Variants in PRKCH observed in about 807,000 individuals in gnomAD.
The protein encoded by PRKCH is protein kinase C eta, also known as protein kinase C eta type.
PRKCH carries 28 observed loss-of-function variants against 82.5 expected under a neutral mutation model. The observed-to-expected ratio is 0.34, with a 90% confidence interval of 0.25 to 0.47. PRKCH has a LOEUF of 0.47. Ranked by LOEUF, PRKCH falls within the 20% of genes least tolerant of loss-of-function variation. The pLI is 1.00. For missense variants in PRKCH, 705 were observed against 881.8 expected (o/e 0.80, Z 2.54); for synonymous variants, 322 against 327.4 (o/e 0.98, Z 0.18).
At chr14:61,438,127 T>C (rs952039939) in intron 2 of PRKCH, among the ~76,000 whole-genome samples, 1 of 152,178 alleles carries the variant, frequency 6.6e-6, no homozygotes, top group African/African-American at 2.4e-5. Flanking sequence ...AAGCATTGGA[T>C]GTTAAACAAC....
At chr14:61,460,001 C>A (rs1248070643) in intron 9 of PRKCH, among the ~76,000 whole-genome samples, 1 of 151,932 alleles carries the variant, frequency 6.6e-6, no homozygotes, top group Non-Finnish European at 1.5e-5. Context: ...CATGCCACCA[C>A]ACCTGGCTAA....
chr14:61,345,829 A>G (rs552284531), intron 1 of PRKCH, among the ~76,000 whole-genome samples: 1 of 150,600 alleles, frequency 6.6e-6, no homozygotes, highest in African/African-American at 2.4e-5. Context: ...GCTTGAGCCC[A>G]GGAGTTTGAG....
At chr14:61,202,773 A>G (rs902529226) in intron 1 of PRKCH, among the ~76,000 whole-genome samples, 8 of 152,150 alleles carry the variant, frequency 5.3e-5, no homozygotes, top group Non-Finnish European at 1.0e-4. Flanking sequence ...GAGAGTTCCT[A>G]TATACTTATC....
chr14:61,191,204 G>A (rs1207216888), intron 1 of PRKCH, among the ~76,000 whole-genome samples: 3 of 152,188 alleles, frequency 2.0e-5, no homozygotes, highest in South Asian at 2.1e-4. Context: ...AGCAGCTTCC[G>A]TGAAAGTGAG....
At chr14:61,390,533 G>A (rs1299612446) in intron 1 of PRKCH, among the ~76,000 whole-genome samples, 2 of 152,078 alleles carry the variant, frequency 1.3e-5, no homozygotes, top group Non-Finnish European at 2.9e-5. Context: ...CAGATCAGAT[G>A]TGGTGGCACA....
At chr14:61,207,770 T>G (rs2044539019) in intron 1 of PRKCH, among the ~76,000 whole-genome samples, 3 of 152,146 alleles carry the variant, frequency 2.0e-5, no homozygotes, top group Admixed American at 2.0e-4. Context: ...ATAAGGAAGG[T>G]GAGATGAAGC....
intron 1 of PRKCH, among the ~76,000 whole-genome samples, chr14:61,250,382 C>T (rs190173913): frequency 7.2e-5 from 11 of 151,938 alleles, no homozygotes; most frequent in Admixed American, 5.9e-4. Context: ...CAGTACATTC[C>T]GACAATAGAA....
At chr14:61,382,138 AAC>A (rs1164186739) in intron 1 of PRKCH, among the ~76,000 whole-genome samples, 1 of 152,192 alleles carries the variant, frequency 6.6e-6, no homozygotes, top group Non-Finnish European at 1.5e-5. Context: ...TGTTATTAGA[AAC>A]ACAGCCTCAG....
At chr14:61,461,597 T>G (rs896443451) in intron 9 of PRKCH, among the ~76,000 whole-genome samples, 1 of 152,204 alleles carries the variant, frequency 6.6e-6, no homozygotes, top group African/African-American at 2.4e-5. Context: ...TTACCTGGTC[T>G]TGCAGCAGCA....
intron 9 of PRKCH, among the ~76,000 whole-genome samples, chr14:61,473,364 A>G (rs1410141037): frequency 6.6e-6 from 1 of 152,186 alleles, no homozygotes; most frequent in Non-Finnish European, 1.5e-5. Flanking sequence ...TAAGATTTGC[A>G]TGTTAGAAGG....
intron 1 of PRKCH, among the ~76,000 whole-genome samples, chr14:61,314,885 C>T (rs1259140384): frequency 3.9e-5 from 6 of 152,168 alleles, no homozygotes; most frequent in Admixed American, 3.9e-4. Context: ...TGCCACCCCG[C>T]CCTGACTTTG....
Position 61,483,075 on chromosome 14 carries a change from A to G in PRKCH, c.1279-2427A>G, listed in dbSNP as rs116296448. 2.6e-3 allele frequency among the ~76,000 whole-genome samples: 403 copies of G among 152,336 alleles called. 2 individuals carry two copies. Among genetic ancestry groups the G allele is most frequent in the African/African-American group, 8.0e-3 (334 of 41,580 alleles). ...AGGCTGGTTAACGAAAACATGTAAG[A>G]CTGACCTCCTTGCCCAGAGATGATT... On this transcript the variant is annotated intron_variant, in intron 9 of 13. Coordinates refer to ENST00000332981, the MANE Select transcript of PRKCH (RefSeq NM_006255.5).
intron 1 of PRKCH, among the ~76,000 whole-genome samples, chr14:61,249,956 T>G (rs1036429306): frequency 1.3e-5 from 2 of 151,106 alleles, no homozygotes; most frequent in African/African-American, 4.9e-5. Flanking sequence ...TGAAAACTTA[T>G]GTCCACAAAA....
chr14:61,206,750 C>G (rs2044527200), intron 1 of PRKCH, among the ~76,000 whole-genome samples: 1 of 151,682 alleles, frequency 6.6e-6, no homozygotes, highest in Admixed American at 6.6e-5. Context: ...AGGAGGGGAG[C>G]AATGGGGAGT....
intron 9 of PRKCH, among the ~76,000 whole-genome samples, chr14:61,468,152 A>G (rs1365073602): frequency 2.6e-5 from 4 of 152,156 alleles, no homozygotes; most frequent in African/African-American, 4.8e-5. Flanking sequence ...ACCTAAGGAT[A>G]TTTCCTCTGA....
chr14:61,550,201 G>A lies in PRKCH; in HGVS notation c.*370G>A, dbSNP rs921070371. On this transcript the variant is annotated 3_prime_UTR_variant, in exon 14 of 14. Coordinates refer to ENST00000332981, the MANE Select transcript of PRKCH (RefSeq NM_006255.5). ...CTTAATTCAAGAGACAAACCAAGAC[G>A]TTCTGTCAACTGTGCTGTGCTCTTC... 3 of 175,830 alleles carry A rather than the reference G, an allele frequency of 1.7e-5. No individual in the cohort carries two copies. The highest frequency in any genetic ancestry group is 2.4e-3 in the Middle Eastern group (1 of 424). The allele number at this position is 175,830 out of a possible 1,614,324, so 10.9% of individuals were successfully genotyped here. A position where few individuals can be genotyped will look rare whatever the true frequency, so the allele number is the denominator to read the frequency against.
At chr14:61,432,616 C>T (rs1040551235) in intron 2 of PRKCH, among the ~76,000 whole-genome samples, 11 of 152,112 alleles carry the variant, frequency 7.2e-5, no homozygotes, top group African/African-American at 2.4e-4. Context: ...ATTACAGGCA[C>T]GAGCCACTGC....
At position 61,214,501 on chromosome 14, in the gene PRKCH, C is replaced by T. The variant is rs1403183271; in HGVS notation, c.-19+26833C>T. Among the ~76,000 whole-genome samples the T allele has an allele frequency of 2.0e-5, 3 of 151,958 alleles. No homozygotes were observed. In the East Asian group the frequency reaches 5.8e-4, roughly 29 times the overall value. ...TAATCTTGGTGGTTGTCTGTCAGCTCGGGATGCTATGGTAAAATACCATAG... is the reference window on the plus strand; with the variant it reads ...TAATCTTGGTGGTTGTCTGTCAGCTTGGGATGCTATGGTAAAATACCATAG... On this transcript the variant is annotated intron_variant, in intron 1 of 3. Transcript: ENST00000555185.
chr14:61,208,646 C>T (rs540823605), intron 1 of PRKCH, among the ~76,000 whole-genome samples: 9 of 152,076 alleles, frequency 5.9e-5, no homozygotes, highest in African/African-American at 9.7e-5. Context: ...CGTCTTTAAG[C>T]GAACCAGGCA....
Sources: gnomAD v4.1 joint callset for allele counts (sites outside exome capture counted in the v4.1 genomes callset) on GRCh38, gnomAD v4.1.1 for gene constraint, MANE v1.5 for transcripts, NCBI Gene and HGNC (gene_info 2026-07-23, HGNC 2026-07-21) for gene names.